CLEC16A: variants seen among roughly 807,000 people sequenced by gnomAD.
The protein encoded by CLEC16A is C-type lectin domain containing 16A, also known as protein CLEC16A.
CLEC16A carries 51 observed loss-of-function variants against 109.5 expected under a neutral mutation model. That is an observed-to-expected ratio of 0.47 (90% CI 0.37 to 0.59). The LOEUF (loss-of-function observed/expected upper bound fraction) is 0.59, where lower values mean the gene tolerates loss of function less well. Among genes scored for constraint, CLEC16A ranks in the 20% least tolerant of loss-of-function variants. The probability of loss-of-function intolerance (pLI) is 0.00; values close to 1 mark genes in which losing one functional copy is unlikely to be tolerated. For missense variants in CLEC16A, 1,339 were observed against 1,394.0 expected (o/e 0.96, Z 0.63); for synonymous variants, 673 against 564.2 (o/e 1.19, Z -2.73).
rs140612247 is a variant in CLEC16A, at chr16:10,988,230, T to C, written c.1071+5239T>C. On this transcript the variant is annotated intron_variant, in intron 10 of 23. Coordinates refer to ENST00000409790, the MANE Select transcript of CLEC16A (RefSeq NM_015226.3). ...TGTAGGTACTTTTTTTAAAGGACTT[T>C]TTTTTCCTCTTGGGTTTCTGTGGAA... Among the ~76,000 whole-genome samples the C allele has an allele frequency of 6.1e-4, 93 of 152,342 alleles. 1 individual carries two copies. In the East Asian group the frequency reaches 0.015, roughly 25 times the overall value.
chr16:11,112,849 C>T (rs1358792874), intron 19 of CLEC16A, among the ~76,000 whole-genome samples: 14 of 152,190 alleles, frequency 9.2e-5, no homozygotes, highest in Admixed American at 9.2e-4. Context: ...CATCTGCCAT[C>T]CTACCTTTTG....
chr16:11,044,092 T>C lies in CLEC16A; in HGVS notation c.1815+20T>C. 1 of 1,601,150 alleles carries C rather than the reference T, an allele frequency of 6.2e-7. No homozygotes were observed. Among genetic ancestry groups the C allele is most frequent in the Non-Finnish European group, 8.5e-7 (1 of 1,171,640 alleles). ...TATAAGGTAATTGGCAGAGCACAGA[T>C]GGACAGCAGCATGGTGTGTATTGTA... is the stretch of plus-strand genomic sequence containing the variant. On this transcript the variant is annotated intron_variant, in intron 16 of 23. Coordinates refer to ENST00000409790, the MANE Select transcript of CLEC16A (RefSeq NM_015226.3).
rs1257754188 is a variant in CLEC16A, at chr16:11,078,021, G to A, written c.2116+16999G>A. On this transcript the variant is annotated intron_variant, in intron 19 of 23. Coordinates refer to ENST00000409790, the MANE Select transcript of CLEC16A (RefSeq NM_015226.3). ...TGTGTGTGTGTGTGTTTAGAGAAAT[G>A]TACAGAATACTGAGCTTGGGACATG... Among the ~76,000 whole-genome samples the A allele has an allele frequency of 3.4e-5, 5 of 148,460 alleles. No individual in the cohort carries two copies. The East Asian group carries it at 1.0e-3, about 30-fold the overall frequency.
chr16:11,156,442 C>T (rs927131987), intron 22 of CLEC16A: 8 of 335,722 alleles, frequency 2.4e-5, no homozygotes, highest in Non-Finnish European at 4.0e-5. Context: ...CCATCCTTTG[C>T]AAGCAGGGCC....
At chr16:11,073,547 ACT>A (rs1263442344) in intron 19 of CLEC16A, among the ~76,000 whole-genome samples, 1 of 150,196 alleles carries the variant, frequency 6.7e-6, no homozygotes, top group Non-Finnish European at 1.5e-5. Context: ...CTGCTTGTAA[ACT>A]CTCAGATCCT....
At chr16:10,957,469 G>A (rs778550620) in intron 1 of CLEC16A, among the ~76,000 whole-genome samples, 1 of 152,184 alleles carries the variant, frequency 6.6e-6, no homozygotes. Context: ...TTCCGAGGGG[G>A]CTCCAGGAGC....
chr16:11,070,000 T>G (rs534425417), intron 19 of CLEC16A, among the ~76,000 whole-genome samples: 1 of 152,246 alleles, frequency 6.6e-6, no homozygotes, highest in Admixed American at 6.5e-5. Context: ...CCCATGGATA[T>G]GGAGGGACGA....
intron 19 of CLEC16A, among the ~76,000 whole-genome samples, chr16:11,063,224 A>T (rs988322046): frequency 1.3e-5 from 2 of 150,494 alleles, no homozygotes; most frequent in African/African-American, 4.9e-5. Flanking sequence ...AGCACGTGGT[A>T]CTAGGATAAG....
At chr16:11,156,207 A>G (rs1340088035) in intron 22 of CLEC16A, among the ~76,000 whole-genome samples, 1 of 151,946 alleles carries the variant, frequency 6.6e-6, no homozygotes, top group Non-Finnish European at 1.5e-5. Context: ...CTAAAAATAC[A>G]AAAACAAAAA....
intron 11 of CLEC16A, among the ~76,000 whole-genome samples, chr16:11,013,074 A>C (rs1195512292): frequency 6.6e-6 from 1 of 152,158 alleles, no homozygotes; most frequent in South Asian, 2.1e-4. Flanking sequence ...TAACATGTAC[A>C]TCTCTGGGAT....
chr16:11,146,273 T>G (rs1245533752), intron 22 of CLEC16A, among the ~76,000 whole-genome samples: 2 of 152,184 alleles, frequency 1.3e-5, no homozygotes, highest in Non-Finnish European at 2.9e-5. Context: ...TGACTGGCCC[T>G]GCCCTGTCCC....
At chr16:11,130,822 G>A (rs1215790709) in intron 22 of CLEC16A, among the ~76,000 whole-genome samples, 11 of 152,192 alleles carry the variant, frequency 7.2e-5, no homozygotes, top group Non-Finnish European at 1.2e-4. Flanking sequence ...AGACAAGGGT[G>A]TTTTATTAGG....
At chr16:11,015,901 C>T (rs1035517768) in intron 11 of CLEC16A, among the ~76,000 whole-genome samples, 2 of 152,198 alleles carry the variant, frequency 1.3e-5, no homozygotes, top group Non-Finnish European at 2.9e-5. Flanking sequence ...GCCTATGCCA[C>T]GTCCTCTGCC....
intron 23 of CLEC16A, among the ~76,000 whole-genome samples, chr16:11,175,059 A>G (rs1010869649): frequency 3.9e-5 from 6 of 152,174 alleles, no homozygotes; most frequent in African/African-American, 1.2e-4. Context: ...TTTGCCCTCC[A>G]CTTGCTCTAC....
chr16:10,985,430 C>T (rs1268247414), intron 10 of CLEC16A, among the ~76,000 whole-genome samples: 3 of 152,056 alleles, frequency 2.0e-5, no homozygotes, highest in African/African-American at 7.2e-5. Flanking sequence ...GGAAGCTTCG[C>T]AGAGCCTGCC....
chr16:11,047,193 A>T (rs1597191895), intron 16 of CLEC16A, 99 bp from the exon 17 acceptor site: 2 of 858,004 alleles, frequency 2.3e-6, no homozygotes, highest in African/African-American at 3.5e-5. Context: ...AATGAGAAAC[A>T]GATGGCCTCT....
intron 10 of CLEC16A, among the ~76,000 whole-genome samples, chr16:10,994,122 C>T (rs1242385394): frequency 1.3e-5 from 2 of 152,224 alleles, no homozygotes; most frequent in Non-Finnish European, 1.5e-5. Flanking sequence ...TACGCCTCTG[C>T]AGCTGCAACA....
chr16:11,101,419 C>G (rs1428621838), intron 19 of CLEC16A, among the ~76,000 whole-genome samples: 2 of 152,248 alleles, frequency 1.3e-5, no homozygotes, highest in African/African-American at 4.8e-5. Flanking sequence ...CCTCCTGCCT[C>G]TGGCCCATGG....
chr16:11,137,491 C>T (rs183613654), intron 22 of CLEC16A, among the ~76,000 whole-genome samples: 1 of 150,336 alleles, frequency 6.7e-6, no homozygotes. Context: ...CGTGGTGGCT[C>T]ACACCTTTAA....
Sources: gnomAD v4.1 joint callset for allele counts (sites outside exome capture counted in the v4.1 genomes callset) on GRCh38, gnomAD v4.1.1 for gene constraint, MANE v1.5 for transcripts, NCBI Gene and HGNC (gene_info 2026-07-23, HGNC 2026-07-21) for gene names.